Variants in RPS6KA2 observed in about 807,000 individuals in gnomAD.
The protein encoded by RPS6KA2 is ribosomal protein S6 kinase alpha-2.
In RPS6KA2, 42 loss-of-function variants were observed where a neutral mutation model predicts 91.8. That is an observed-to-expected ratio of 0.46 (90% CI 0.36 to 0.59). The LOEUF is 0.59. Among genes scored for constraint, RPS6KA2 ranks in the 20% least tolerant of loss-of-function variants. RPS6KA2 has a pLI of 0.00. For synonymous variants in RPS6KA2, 414 were observed against 393.6 expected, an observed-to-expected ratio of 1.05 and a Z score of -0.61; for missense variants, 798 against 978.5, an observed-to-expected ratio of 0.82 and a Z score of 2.46.
At chr6:166,638,686 T>C (rs1787325465) in intron 2 of RPS6KA2, among the ~76,000 whole-genome samples, 1 of 152,164 alleles carries the variant, frequency 6.6e-6, no homozygotes, top group Non-Finnish European at 1.5e-5. Context: ...TCTAGAACAG[T>C]GGTTCTGGGG....
chr6:166,555,232 A>G (rs757244998), intron 1 of RPS6KA2, among the ~76,000 whole-genome samples: 1 of 152,204 alleles, frequency 6.6e-6, no homozygotes. Flanking sequence ...ACAGGAATAC[A>G]GTTCTAAGCA....
intron 1 of RPS6KA2, among the ~76,000 whole-genome samples, chr6:166,571,281 A>G (rs1385712401): frequency 2.0e-5 from 3 of 152,220 alleles, no homozygotes; most frequent in African/African-American, 7.2e-5. Context: ...AACATCTTCT[A>G]TCGGCTTAAG....
intron 19 of RPS6KA2, among the ~76,000 whole-genome samples, chr6:166,415,015 A>C (rs1562477624): frequency 6.6e-6 from 1 of 152,242 alleles, no homozygotes; most frequent in Non-Finnish European, 1.5e-5. Flanking sequence ...GAGTGAGCTG[A>C]GATTGCACCA....
intron 1 of RPS6KA2, among the ~76,000 whole-genome samples, chr6:166,591,037 G>C (rs1785338396): frequency 6.6e-6 from 1 of 152,232 alleles, no homozygotes; most frequent in African/African-American, 2.4e-5. Context: ...GTCTCGGTCT[G>C]ACTTTAGAAT....
At chr6:166,781,630 G>A (rs1778776592) in intron 2 of RPS6KA2, among the ~76,000 whole-genome samples, 1 of 152,202 alleles carries the variant, frequency 6.6e-6, no homozygotes, top group South Asian at 2.1e-4. Context: ...CCCCGGTCAG[G>A]CAGGTGCTTG....
At chr6:166,509,615 C>T (rs1367022055) in intron 4 of RPS6KA2, among the ~76,000 whole-genome samples, 1 of 152,214 alleles carries the variant, frequency 6.6e-6, no homozygotes, top group Admixed American at 6.5e-5. Context: ...GTACTTTGCT[C>T]ATCTGGATTA....
intron 5 of RPS6KA2, among the ~76,000 whole-genome samples, chr6:166,505,284 C>G (rs751851756): frequency 1.3e-5 from 2 of 152,080 alleles, no homozygotes; most frequent in African/African-American, 2.4e-5. Flanking sequence ...TGGGAGGTGA[C>G]CAGGCAGGGA....
intron 2 of RPS6KA2, among the ~76,000 whole-genome samples, chr6:166,837,794 T>C (rs1322847340): frequency 2.0e-5 from 3 of 152,244 alleles, no homozygotes; most frequent in South Asian, 2.1e-4. Flanking sequence ...CTGGGCTTCA[T>C]TGCAAACCAG....
intron 2 of RPS6KA2, among the ~76,000 whole-genome samples, chr6:166,661,247 C>A (rs931372210): frequency 1.3e-5 from 2 of 152,120 alleles, no homozygotes; most frequent in Non-Finnish European, 2.9e-5. Flanking sequence ...ATCACAGGTG[C>A]CCATCATCAC....
chr6:166,783,530 T>C lies in RPS6KA2; in HGVS notation c.123+74670A>G, dbSNP rs560146940. ...CTCTCTCTAGATAGACAGATATAGATACAAATGACATAGATATATGCATAC... is the reference window on the plus strand; with the variant it reads ...CTCTCTCTAGATAGACAGATATAGACACAAATGACATAGATATATGCATAC... On this transcript the variant is annotated intron_variant, in intron 2 of 21. Transcript: ENST00000503859. Among the ~76,000 whole-genome samples, 58 of 152,176 alleles carry C rather than the reference T, an allele frequency of 3.8e-4. No homozygotes were observed. In the Middle Eastern group the frequency reaches 0.014, roughly 36 times the overall value.
intron 17 of RPS6KA2, among the ~76,000 whole-genome samples, chr6:166,421,314 T>C (rs1433285594): frequency 6.6e-6 from 1 of 152,180 alleles, no homozygotes; most frequent in African/African-American, 2.4e-5. Context: ...AAATCAATAT[T>C]GTGGGAGACC....
chr6:166,498,710 C>T (rs1386402122), intron 7 of RPS6KA2, 60 bp from the exon 8 acceptor site: 1 of 1,591,978 alleles, frequency 6.3e-7, no homozygotes, highest in African/African-American at 1.4e-5. Flanking sequence ...GGGGTCCACA[C>T]TCAGGCGGGC....
intron 8 of RPS6KA2, among the ~76,000 whole-genome samples, chr6:166,497,233 A>G (rs1379514494): frequency 6.6e-6 from 1 of 152,194 alleles, no homozygotes; most frequent in Non-Finnish European, 1.5e-5. Context: ...AAAATAAATC[A>G]GCAGCATCAT....
chr6:166,598,826 CT>C (rs1384501720), intron 1 of RPS6KA2, among the ~76,000 whole-genome samples: 1 of 152,234 alleles, frequency 6.6e-6, no homozygotes, highest in Non-Finnish European at 1.5e-5. Flanking sequence ...TCCTACCTCC[CT>C]TCTTTCCTGC....
At chr6:166,766,961 C>T (rs749109542) in intron 2 of RPS6KA2, among the ~76,000 whole-genome samples, 4 of 152,236 alleles carry the variant, frequency 2.6e-5, no homozygotes, top group South Asian at 4.1e-4. Context: ...TCTCCTCCCT[C>T]GCCTTTGTTT....
intron 1 of RPS6KA2, among the ~76,000 whole-genome samples, chr6:166,567,296 C>G (rs1455139274): frequency 6.6e-6 from 1 of 152,178 alleles, no homozygotes; most frequent in Non-Finnish European, 1.5e-5. Context: ...TGCCTGTCCT[C>G]CCATGCAGAC....
intron 2 of RPS6KA2, among the ~76,000 whole-genome samples, chr6:166,833,477 A>C (rs1162436445): frequency 6.6e-6 from 1 of 152,238 alleles, no homozygotes; most frequent in Non-Finnish European, 1.5e-5. Flanking sequence ...AAATTTGTAC[A>C]GTCATGTAAC....
intron 2 of RPS6KA2, among the ~76,000 whole-genome samples, chr6:166,647,861 TACAC>T (rs766868905): frequency 1.5e-5 from 1 of 67,910 alleles, no homozygotes; most frequent in Non-Finnish European, 3.0e-5. Flanking sequence ...CACATGCTCA[TACAC>T]ACATGCACAT....
intron 10 of RPS6KA2, among the ~76,000 whole-genome samples, chr6:166,485,692 C>G (rs1333362454): frequency 1.3e-5 from 2 of 152,152 alleles, no homozygotes; most frequent in African/African-American, 2.4e-5. Flanking sequence ...AACACCGCCT[C>G]CCCCACCTCC....
Sources: gnomAD v4.1 joint callset for allele counts (sites outside exome capture counted in the v4.1 genomes callset) on GRCh38, gnomAD v4.1.1 for gene constraint, MANE v1.5 for transcripts, NCBI Gene and HGNC (gene_info 2026-07-23, HGNC 2026-07-21) for gene names.